KIF27: variants seen among roughly 807,000 people sequenced by gnomAD.
The protein encoded by KIF27 is kinesin family member 27.
In KIF27, 84 loss-of-function variants were observed where a neutral mutation model predicts 141.8. The observed-to-expected ratio is 0.59, with a 90% CI of 0.50 to 0.71. The LOEUF is 0.71. Ranked by LOEUF, KIF27 falls within the 30% of genes least tolerant of loss-of-function variation. The pLI is 0.00. For synonymous variants in KIF27, 471 were observed against 569.5 expected (o/e 0.83, Z 2.46); for missense variants, 1,306 against 1,628.4 (o/e 0.80, Z 3.41).
intron 6 of KIF27, among the ~76,000 whole-genome samples, chr9:83,889,821 A>G (rs188517923): frequency 2.2e-4 from 34 of 152,344 alleles, no homozygotes; most frequent in Admixed American, 3.9e-4. Context: ...AATATTTAAT[A>G]TATGTCATAG....
In KIF27 at chr9:83,836,929, G is replaced by GGAAAGAGGT; in HGVS notation, c.*71_*72insACCTCTTTC. 4 of 1,546,148 alleles carry GGAAAGAGGT rather than the reference G, an allele frequency of 2.6e-6. No homozygotes were observed. Among genetic ancestry groups the GGAAAGAGGT allele is most frequent in the Non-Finnish European group, 3.5e-6 (4 of 1,148,058 alleles). On this transcript the variant is annotated 3_prime_UTR_variant, in exon 18 of 18. Transcript: ENST00000297814. ...TTCTGAGGAAAGAGGTAGTGAACTT[G>GGAAAGAGGT]AGCTTTAGTTTTTAACAGGTTAGAA...
chr9:83,908,928 T>C (rs1167060792), intron 2 of KIF27, among the ~76,000 whole-genome samples: 2 of 152,204 alleles, frequency 1.3e-5, no homozygotes, highest in African/African-American at 4.8e-5. Context: ...CTATTATAAC[T>C]CTTTTAAACC....
rs201873830 is a variant in KIF27 at position 83,907,291 on chromosome 9, AAAATAAATAAAT to A, written c.499+1149_499+1160del. Among the ~76,000 whole-genome samples the A allele has an allele frequency of 6.0e-3, 829 of 138,470 alleles. 11 individuals carry two copies. Among genetic ancestry groups the A allele is most frequent in the African/African-American group, 0.013 (496 of 37,382 alleles). The allele number at this position is 138,470 out of a possible 152,430, so 90.8% of individuals were successfully genotyped here. On this transcript the variant is annotated intron_variant, in intron 3 of 17. Transcript: ENST00000297814. The stretch of plus-strand genomic sequence containing the variant: ...GGTGACAGAGCAAGACTCCATCTCA[AAAATAAATAAAT>A]AAATAAATAAATAAATAAATAAATA...
chr9:83,878,813 G>A (rs1951437190), intron 11 of KIF27, among the ~76,000 whole-genome samples: 1 of 152,006 alleles, frequency 6.6e-6, no homozygotes, highest in Admixed American at 6.6e-5. Flanking sequence ...AAAATGTTTT[G>A]GAAATAGATA....
chr9:83,867,147 T>G (rs35227983), intron 13 of KIF27, among the ~76,000 whole-genome samples: 10 of 152,094 alleles, frequency 6.6e-5, no homozygotes, highest in East Asian at 1.9e-4. Context: ...TAACATAGGT[T>G]TTCAAGGTTC....
chr9:83,897,761 A>T (rs1409471825), intron 5 of KIF27, among the ~76,000 whole-genome samples: 1 of 152,180 alleles, frequency 6.6e-6, no homozygotes, highest in African/African-American at 2.4e-5. Flanking sequence ...TCTAGAAGAC[A>T]GGTAACTCAA....
Position 83,896,001 on chromosome 9 carries a change from G to A in KIF27, c.1602+3660C>T, listed in dbSNP as rs1286493343. Among the ~76,000 whole-genome samples the A allele has an allele frequency of 1.1e-4, 15 of 140,178 alleles. No homozygotes were observed. In the South Asian group the frequency reaches 2.5e-3, roughly 24 times the overall value. The allele number at this position is 140,178 out of a possible 152,430, so 92.0% of individuals were successfully genotyped here. On this transcript the variant is annotated intron_variant, in intron 5 of 17. Coordinates refer to ENST00000297814, the MANE Select transcript of KIF27 (RefSeq NM_017576.4). ...TAGGAGGCAGAGGTTACAGTGAGCC[G>A]AGATCATGCCATTGCACTCCAGCCT... is the stretch of plus-strand genomic sequence containing the variant.
rs1174744512 is a variant in KIF27 at position 83,835,779 on chromosome 9, C to T, written c.*1222G>A. On this transcript the variant is annotated 3_prime_UTR_variant, in exon 18 of 18. Transcript: ENST00000297814. ...GGTGACTCTGAGTAAGCATCCATGT[C>T]AGGATGGTTTTGCTACAGCCCCCAA... 6.6e-6 allele frequency: 1 copy of T among 152,162 alleles called. No homozygotes were observed. The highest frequency in any genetic ancestry group is 1.5e-5 in the Non-Finnish European group (1 of 68,024). The allele number at this position is 152,162 out of a possible 1,614,324, so 9.4% of individuals were successfully genotyped here.
rs765230254 is a variant in KIF27, at chr9:83,888,544, A to G, written c.2028T>C (p.Leu676=). The change falls in exon 8 of 18, where the codon CTT becomes CTC. Residue 676 remains leucine, a synonymous_variant. Transcript: ENST00000297814. The part of the protein sequence containing the change: ...WIQKPDSVCS[L]VELSDTQDET... Reference sequence around the variant, plus strand: ...CATCCTGAGTATCACTCAATTCAACAAGGGAACAAACAGAGTCTGGCTTCT... The same window carrying G: ...CATCCTGAGTATCACTCAATTCAACGAGGGAACAAACAGAGTCTGGCTTCT... 6.2e-7 allele frequency: 1 copy of G among 1,601,936 alleles called. No homozygotes were observed. Among genetic ancestry groups the G allele is most frequent in the South Asian group, 1.1e-5 (1 of 89,596 alleles).
intron 4 of KIF27, among the ~76,000 whole-genome samples, chr9:83,900,732 C>CGT (rs1953787932): frequency 6.6e-6 from 1 of 151,756 alleles, no homozygotes; most frequent in African/African-American, 2.4e-5. Context: ...TATATATACA[C>CGT]GTATATATAT....
At position 83,887,082 on chromosome 9, in the gene KIF27, A is replaced by T; in HGVS notation, c.2198T>A (p.Ile733Asn). ...KQKMRELTIN[I>N]KMKEDLIKEL... ...TTTAATCAGATCTTCCTTCATCTTG[A>T]TGTTAATTGTAAGTTCTCTCATTTT... is the stretch of plus-strand genomic sequence containing the variant. Residue 733 changes from isoleucine to asparagine, a missense_variant, in exon 9 of 18, where the codon ATC becomes AAC. Physicochemically the swap from Ile to Asn is moderately radical, Grantham distance 149 (BLOSUM62 -3). This residue lies in a region of KIF27 where 596 missense variants were observed against 751.6 expected (regional missense o/e 0.79). Coordinates refer to ENST00000297814, the MANE Select transcript of KIF27 (RefSeq NM_017576.4). The T allele has an allele frequency of 6.2e-7, 1 of 1,600,422 alleles. No homozygotes were observed. Among genetic ancestry groups the T allele is most frequent in the Non-Finnish European group, 8.5e-7 (1 of 1,175,744 alleles).
At position 83,888,520 on chromosome 9, in the gene KIF27, A is replaced by G. The variant is rs570677869; in HGVS notation, c.2052T>C (p.Asp684=). Residue 684 remains aspartate (D), a synonymous_variant, in exon 8 of 18, where the codon GAT becomes GAC. Coordinates refer to ENST00000297814, the MANE Select transcript of KIF27 (RefSeq NM_017576.4). The part of the protein sequence containing the change: ...CSLVELSDTQ[D]ETQKSDLENE... ...TCTCCAAATCTGACTTTTGTGTTTC[A>G]TCCTGAGTATCACTCAATTCAACAA... 13 of 1,596,644 alleles carry G rather than the reference A, an allele frequency of 8.1e-6. No individual in the cohort carries two copies. The African/African-American group carries it at 1.5e-4, about 18-fold the overall frequency.
chr9:83,871,691 C>CTT (rs1372606607), intron 11 of KIF27, among the ~76,000 whole-genome samples: 7 of 143,302 alleles, frequency 4.9e-5, no homozygotes, highest in Admixed American at 7.0e-5. Flanking sequence ...CCATCCACAT[C>CTT]TTTTTTTTTT....
intron 16 of KIF27, among the ~76,000 whole-genome samples, chr9:83,848,185 GATATATATGATATATCAGATATGATAT>G: frequency 7.1e-5 from 2 of 28,176 alleles, no homozygotes; most frequent in South Asian, 2.1e-3. Context: ...TATCATATAT[GATATATATGATATATCAGATATGATAT>G]ATATGATATA....
chr9:83,902,983 C>A, intron 4 of KIF27, 77 bp downstream of exon 4: 1 of 853,834 alleles, frequency 1.2e-6, no homozygotes, highest in Admixed American at 2.8e-5. Context: ...TATGTTAACA[C>A]ATGTACCCCC....
chr9:83,903,923 G>A lies in KIF27; in HGVS notation c.595C>T (p.Gln199Ter). The A allele has an allele frequency of 2.5e-6, 4 of 1,614,132 alleles. No homozygotes were observed. Among genetic ancestry groups the A allele is most frequent in the Non-Finnish European group, 3.4e-6 (4 of 1,180,018 alleles). ...GNAARHTGTT[Q>*]MNEHSSRSHA... is the part of the protein sequence containing the mutation. The stretch of plus-strand genomic sequence containing the variant: ...GATCTGCTGGAGTGCTCATTCATTT[G>A]AGTGGTACCTGTATGTCTGGCTGCA... The change falls in exon 4 of 18, where the codon CAA becomes TAA. Residue 199 changes from glutamine to a stop codon, truncating the protein, a stop_gained. Transcript: ENST00000297814. LOFTEE classifies it high-confidence loss of function.
chr9:83,903,534 G>T lies in KIF27; in HGVS notation c.984C>A (p.Ser328=). The T allele has an allele frequency of 6.2e-7, 1 of 1,614,058 alleles. No homozygotes were observed. The highest frequency in any genetic ancestry group is 8.5e-7 in the Non-Finnish European group (1 of 1,179,970). The part of the protein sequence containing the change: ...VSPSSSNFDE[S]LNSLKYANRA... The stretch of plus-strand genomic sequence containing the variant: ...TGTTGGCATATTTGAGAGAATTTAA[G>T]GACTCATCAAAATTCGAGGAGGAGG... The change falls in exon 4 of 18, where the codon TCC becomes TCA. Residue 328 remains serine (S), a synonymous_variant. Coordinates refer to ENST00000297814, the MANE Select transcript of KIF27 (RefSeq NM_017576.4).
At chr9:83,848,479 CAT>C (rs1287371440) in intron 16 of KIF27, among the ~76,000 whole-genome samples, 2 of 138,310 alleles carry the variant, frequency 1.4e-5, no homozygotes, top group South Asian at 2.2e-4. Context: ...TGTATATATA[CAT>C]ATAGATATGT....
In KIF27 at chr9:83,859,185, G is replaced by A. The variant is rs1314967201; in HGVS notation, c.3121C>T (p.Leu1041Phe). 1.2e-6 allele frequency: 2 copies of A among 1,613,406 alleles called. No homozygotes were observed. The highest frequency in any genetic ancestry group is 1.6e-4 in the Middle Eastern group (1 of 6,062). The change falls in exon 14 of 18, where the codon CTT (leucine) becomes TTT (phenylalanine). Residue 1041 changes from leucine to phenylalanine, a missense_variant. Around this residue, in one of 4 missense-constraint regions of KIF27, gnomAD observed 596 missense variants for 751.6 expected, o/e 0.79. Coordinates refer to ENST00000297814, the MANE Select transcript of KIF27 (RefSeq NM_017576.4). ...QKRRHNVDEK[L>F]KNGRVLSPEE... ...GGTGATAACACTCTACCATTTTTAA[G>A]TTTTTCATCCACATTGTGTCTGCGT...
Sources: allele counts gnomAD v4.1 joint callset (sites outside exome capture counted in the v4.1 genomes callset), GRCh38; gene constraint gnomAD v4.1.1; regional missense constraint gnomAD v4.1.1; transcripts MANE v1.5; gene names NCBI Gene and HGNC (gene_info 2026-07-23, HGNC 2026-07-21).